Variants in PXDNL observed in about 807,000 individuals in gnomAD.
The protein encoded by PXDNL is probable oxidoreductase PXDNL.
In PXDNL, 145 loss-of-function variants were observed where a neutral mutation model predicts 150.8. The observed-to-expected ratio is 0.96, with a 90% CI of 0.84 to 1.10. The LOEUF (loss-of-function observed/expected upper bound fraction) is 1.10, where lower values mean the gene tolerates loss of function less well. PXDNL is among the 50% of genes least tolerant of loss of function. PXDNL has a pLI of 0.00. For missense variants in PXDNL, 2,087 were observed against 1,873.9 expected, an observed-to-expected ratio of 1.11 and a Z score of -2.10; for synonymous variants, 757 against 725.7, an observed-to-expected ratio of 1.04 and a Z score of -0.69.
Position 51,746,033 on chromosome 8 carries a change from A to T in PXDNL, c.164+63148T>A, listed in dbSNP as rs554322048. Among the ~76,000 whole-genome samples, 6 of 152,312 alleles carry T rather than the reference A, an allele frequency of 3.9e-5. 1 individual carries two copies. The South Asian group carries it at 1.2e-3, about 32-fold the overall frequency. ...CTCACCCTCCCAAAGTGCTGGGATT[A>T]CAGGCGTGAGCCACCGTGCCCAGCC... On this transcript the variant is annotated intron_variant, in intron 1 of 22. Coordinates refer to ENST00000356297, the MANE Select transcript of PXDNL (RefSeq NM_144651.5).
intron 8 of PXDNL, among the ~76,000 whole-genome samples, chr8:51,461,327 G>A (rs1042870212): frequency 2.6e-5 from 4 of 152,230 alleles, no homozygotes; most frequent in South Asian, 2.1e-4. Context: ...TGGGAAGGGT[G>A]TGACCTTTCT....
chr8:51,335,860 C>G (rs1488535813), intron 21 of PXDNL, among the ~76,000 whole-genome samples: 1 of 152,000 alleles, frequency 6.6e-6, no homozygotes, highest in Admixed American at 6.6e-5. Flanking sequence ...TTTACTGGGC[C>G]CAACTACTTA....
chr8:51,599,301 T>G (rs1813642172), intron 2 of PXDNL, among the ~76,000 whole-genome samples: 1 of 152,038 alleles, frequency 6.6e-6, no homozygotes, highest in Admixed American at 6.6e-5. Flanking sequence ...TTCTTGTTTT[T>G]CTCATTTTTC....
At chr8:51,591,306 G>A (rs1257125294) in intron 3 of PXDNL, among the ~76,000 whole-genome samples, 1 of 152,160 alleles carries the variant, frequency 6.6e-6, no homozygotes, top group Admixed American at 6.5e-5. Context: ...GATTTGTTAT[G>A]AAAGGTTAGG....
chr8:51,675,594 A>G (rs1429119264), intron 1 of PXDNL, among the ~76,000 whole-genome samples: 1 of 151,994 alleles, frequency 6.6e-6, no homozygotes, highest in East Asian at 1.9e-4. Flanking sequence ...GGAGTTCAAG[A>G]CCAGCCTGAC....
chr8:51,625,879 T>C (rs17276712), intron 2 of PXDNL, among the ~76,000 whole-genome samples: 16,031 of 152,244 alleles, frequency 0.11, 934 homozygotes, highest in Middle Eastern at 0.14. Context: ...ATAATCAGAC[T>C]TACTTAACAG....
At chr8:51,653,169 A>G (rs1160767678) in intron 2 of PXDNL, among the ~76,000 whole-genome samples, 1 of 152,124 alleles carries the variant, frequency 6.6e-6, no homozygotes, top group African/African-American at 2.4e-5. Flanking sequence ...TGTAATCCCA[A>G]CACTTTTTGG....
intron 1 of PXDNL, among the ~76,000 whole-genome samples, chr8:51,684,188 C>T (rs1320071940): frequency 6.6e-6 from 1 of 152,182 alleles, no homozygotes; most frequent in Non-Finnish European, 1.5e-5. Flanking sequence ...AGGAAAGGAG[C>T]AGTCATTGTG....
chr8:51,759,784 A>G (rs1179507753), intron 1 of PXDNL, among the ~76,000 whole-genome samples: 4 of 152,382 alleles, frequency 2.6e-5, no homozygotes, highest in South Asian at 4.1e-4. Context: ...CAGATGTCTG[A>G]ACATTTAATT....
At chr8:51,476,156 T>G (rs1261832366) in intron 6 of PXDNL, among the ~76,000 whole-genome samples, 1 of 152,142 alleles carries the variant, frequency 6.6e-6, no homozygotes, top group East Asian at 1.9e-4. Flanking sequence ...GTTTGCTTTG[T>G]TTATGTGTTA....
intron 10 of PXDNL, among the ~76,000 whole-genome samples, chr8:51,452,030 T>A (rs1040113023): frequency 6.6e-6 from 1 of 152,060 alleles, no homozygotes; most frequent in African/African-American, 2.4e-5. Flanking sequence ...ATGGTAAAGG[T>A]TACCAGAGTT....
chr8:51,630,809 G>A (rs1814473927), intron 2 of PXDNL, among the ~76,000 whole-genome samples: 2 of 152,216 alleles, frequency 1.3e-5, no homozygotes, highest in East Asian at 1.9e-4. Context: ...TAGAGAAAAG[G>A]GAATGCTTAT....
intron 17 of PXDNL, among the ~76,000 whole-genome samples, chr8:51,376,150 T>C (rs1435233815): frequency 6.6e-6 from 1 of 152,224 alleles, no homozygotes; most frequent in Admixed American, 6.5e-5. Context: ...TCCATATGTA[T>C]ATCTTCAATG....
intron 19 of PXDNL, among the ~76,000 whole-genome samples, chr8:51,366,070 T>A (rs1359130032): frequency 1.3e-5 from 2 of 152,046 alleles, no homozygotes; most frequent in African/African-American, 4.8e-5. Flanking sequence ...GATGACAGAG[T>A]GACATTAATT....
intron 12 of PXDNL, among the ~76,000 whole-genome samples, chr8:51,429,164 C>G (rs946045260): frequency 6.6e-6 from 1 of 152,104 alleles, no homozygotes; most frequent in African/African-American, 2.4e-5. Context: ...GGTGAAAATA[C>G]AAAATAATGA....
chr8:51,677,878 A>G (rs985976819), intron 1 of PXDNL, among the ~76,000 whole-genome samples: 3 of 152,198 alleles, frequency 2.0e-5, no homozygotes, highest in African/African-American at 7.2e-5. Context: ...GCTGCACTAA[A>G]CCATAAGGAT....
intron 1 of PXDNL, among the ~76,000 whole-genome samples, chr8:51,669,771 G>A (rs78785459): frequency 0.025 from 3,871 of 152,204 alleles, 169 homozygotes; most frequent in African/African-American, 0.088. Flanking sequence ...CCAAAACAAA[G>A]ACACGCTAAT....
chr8:51,364,560 T>C (rs978723711), intron 19 of PXDNL, among the ~76,000 whole-genome samples: 2 of 152,188 alleles, frequency 1.3e-5, no homozygotes, highest in African/African-American at 4.8e-5. Context: ...TGTGGACTCA[T>C]GGGGTATACT....
intron 5 of PXDNL, among the ~76,000 whole-genome samples, chr8:51,491,176 G>A (rs1026553545): frequency 6.6e-6 from 1 of 152,132 alleles, no homozygotes; most frequent in Non-Finnish European, 1.5e-5. Flanking sequence ...ACTTAGACTG[G>A]CTTCCTTACT....
Sources: allele counts gnomAD v4.1 joint callset (sites outside exome capture counted in the v4.1 genomes callset), GRCh38; gene constraint gnomAD v4.1.1; transcripts MANE v1.5; gene names NCBI Gene and HGNC (gene_info 2026-07-23, HGNC 2026-07-21).